Variants in GMDS observed in about 807,000 individuals in gnomAD.
GMDS encodes GDP-mannose 4,6 dehydratase.
Under a neutral mutation model 49.9 loss-of-function variants are expected in GMDS, and 20 were observed. That is an observed-to-expected ratio of 0.40 (90% CI 0.28 to 0.58). The LOEUF is 0.58. Among genes scored for constraint, GMDS ranks in the 20% least tolerant of loss-of-function variants. The pLI, the probability that GMDS is intolerant of heterozygous loss-of-function variation, is 0.42. For synonymous variants in GMDS, 177 were observed against 178.6 expected (o/e 0.99, Z 0.07); for missense variants, 362 against 481.4 (o/e 0.75, Z 2.32).
intron 7 of GMDS, among the ~76,000 whole-genome samples, chr6:1,878,070 C>G (rs778963908): frequency 1.3e-5 from 2 of 152,106 alleles, no homozygotes; most frequent in East Asian, 1.9e-4. Flanking sequence ...TCCCAGCACT[C>G]TGGGAGGCCG....
chr6:2,140,451 G>C (rs1354072738), intron 1 of GMDS, among the ~76,000 whole-genome samples: 5 of 152,178 alleles, frequency 3.3e-5, no homozygotes, highest in African/African-American at 7.2e-5. Context: ...GTGTTGTTTA[G>C]GCCACTCAGT....
chr6:2,069,674 C>T (rs199597450), intron 4 of GMDS, among the ~76,000 whole-genome samples: 34 of 152,284 alleles, frequency 2.2e-4, no homozygotes, highest in African/African-American at 6.0e-4. Flanking sequence ...GAAATGCTCA[C>T]CATCACTGGC....
intron 9 of GMDS, among the ~76,000 whole-genome samples, chr6:1,630,988 G>A (rs965262455): frequency 5.9e-5 from 9 of 152,152 alleles, no homozygotes; most frequent in Admixed American, 3.3e-4. Flanking sequence ...CATGTTGGTC[G>A]GAAATTACTG....
At position 1,641,355 on chromosome 6, in the gene GMDS, C is replaced by G. The variant is rs561181339; in HGVS notation, c.988-16815G>C. The stretch of plus-strand genomic sequence containing the variant: ...AATGGAGAGAAATATGCCCTGCCAG[C>G]TGGTGGCACTCAGAAAGTGCCATGG... On this transcript the variant is annotated intron_variant, in intron 9 of 10. Coordinates refer to ENST00000380815, the MANE Select transcript of GMDS (RefSeq NM_001500.4). 2.6e-5 allele frequency among the ~76,000 whole-genome samples: 4 copies of G among 152,368 alleles called. No individual in the cohort carries two copies. In the South Asian group the frequency reaches 8.3e-4, roughly 32 times the overall value.
chr6:1,836,297 A>G lies in GMDS; in HGVS notation c.772-93711T>C, dbSNP rs1218913479. Among the ~76,000 whole-genome samples, 2 of 152,204 alleles carry G rather than the reference A, an allele frequency of 1.3e-5. No homozygotes were observed. The highest frequency in any genetic ancestry group is 3.8e-4 in the East Asian group (2 of 5,204). On this transcript the variant is annotated intron_variant, in intron 7 of 10. Coordinates refer to ENST00000380815, the MANE Select transcript of GMDS (RefSeq NM_001500.4). The surrounding 1 kb of genome is among the most constrained non-coding windows in gnomAD (Gnocchi z 4.2). ...AGAAAAACTCTGAGACCTGAACTCA[A>G]AATTTGAGGTATGAAAGCTAGTAGA...
intron 7 of GMDS, among the ~76,000 whole-genome samples, chr6:1,850,457 G>A (rs1318339090): frequency 2.0e-5 from 3 of 152,150 alleles, no homozygotes; most frequent in Admixed American, 2.0e-4. Flanking sequence ...CTGGAAATGG[G>A]CCAGGCCTTC....
intron 4 of GMDS, among the ~76,000 whole-genome samples, chr6:2,069,049 G>A (rs577755006): frequency 1.3e-5 from 2 of 152,142 alleles, no homozygotes; most frequent in Non-Finnish European, 2.9e-5. Flanking sequence ...AAACAGCATG[G>A]TACTGGTACC....
At chr6:1,662,773 A>C (rs1764121408) in intron 9 of GMDS, among the ~76,000 whole-genome samples, 1 of 152,188 alleles carries the variant, frequency 6.6e-6, no homozygotes. Context: ...CAGAAACACA[A>C]ATTTAGGGCT....
intron 4 of GMDS, among the ~76,000 whole-genome samples, chr6:2,062,782 A>C (rs148675883): frequency 1.4e-3 from 211 of 152,358 alleles, no homozygotes; most frequent in African/African-American, 4.8e-3. Flanking sequence ...CATAATAGAA[A>C]GGAACAACTG....
At chr6:1,672,082 T>C (rs1322023881) in intron 9 of GMDS, among the ~76,000 whole-genome samples, 1 of 152,220 alleles carries the variant, frequency 6.6e-6, no homozygotes, top group South Asian at 2.1e-4. Flanking sequence ...ACTGTCTTAT[T>C]ATATTTCTAC....
At chr6:1,755,145 C>A (rs1011263382) in intron 7 of GMDS, among the ~76,000 whole-genome samples, 1 of 152,154 alleles carries the variant, frequency 6.6e-6, no homozygotes, top group Non-Finnish European at 1.5e-5. Context: ...CTGTCTCAGC[C>A]CAAAATCTCC....
intron 4 of GMDS, among the ~76,000 whole-genome samples, chr6:2,058,338 C>CAAAAAAAAAAAAA (rs11390421): frequency 1.1e-5 from 1 of 90,324 alleles, no homozygotes; most frequent in African/African-American, 3.9e-5. Flanking sequence ...GAGTAAGACT[C>CAAAAAAAAAAAAA]AAAAAAAAAA....
chr6:1,989,191 T>G (rs1372903846), intron 4 of GMDS, among the ~76,000 whole-genome samples: 1 of 152,186 alleles, frequency 6.6e-6, no homozygotes, highest in South Asian at 2.1e-4. Context: ...TGCAATACTT[T>G]CCAAGACATT....
chr6:2,180,895 C>T (rs1415743402), intron 1 of GMDS, among the ~76,000 whole-genome samples: 1 of 151,978 alleles, frequency 6.6e-6, no homozygotes. Flanking sequence ...AGGCCAGGTG[C>T]GGTGGATCAA....
At chr6:1,830,183 G>A (rs1176967351) in intron 7 of GMDS, among the ~76,000 whole-genome samples, 1 of 152,138 alleles carries the variant, frequency 6.6e-6, no homozygotes, top group Admixed American at 6.5e-5. Flanking sequence ...GCTATCATGT[G>A]GGACATTGCA....
intron 1 of GMDS, among the ~76,000 whole-genome samples, chr6:2,194,974 A>T (rs1779217712): frequency 6.6e-6 from 1 of 152,238 alleles, no homozygotes; most frequent in Non-Finnish European, 1.5e-5. Context: ...CAGCCTTTGG[A>T]ATTATCAGCC....
At chr6:1,743,961 TCCAGCAAAATTTAAACAAAACTGTTTGG>T (rs1581537980) in intron 7 of GMDS, among the ~76,000 whole-genome samples, 1 of 152,300 alleles carries the variant, frequency 6.6e-6, no homozygotes, top group East Asian at 1.9e-4. Context: ...GAACTCTCGT[TCCAGCAAAATTTAAACAAAACTGTTTGG>T]TTTGCGTCTC....
At chr6:2,211,817 C>T (rs1780074211) in intron 1 of GMDS, among the ~76,000 whole-genome samples, 2 of 152,182 alleles carry the variant, frequency 1.3e-5, no homozygotes, top group African/African-American at 4.8e-5. Flanking sequence ...AATTTGAAAA[C>T]AATGTTACCA....
At chr6:2,179,407 T>C (rs989995307) in intron 1 of GMDS, among the ~76,000 whole-genome samples, 3 of 152,178 alleles carry the variant, frequency 2.0e-5, no homozygotes, top group African/African-American at 7.2e-5. Flanking sequence ...CCCACTGTGG[T>C]AGTATTAAGA....
Sources: gnomAD v4.1 joint callset for allele counts (sites outside exome capture counted in the v4.1 genomes callset) on GRCh38, gnomAD v4.1.1 for gene constraint, Gnocchi (gnomAD v3.1) non-coding constraint, MANE v1.5 for transcripts, NCBI Gene and HGNC (gene_info 2026-07-23, HGNC 2026-07-21) for gene names.